Variants in ZNF536 observed in about 807,000 individuals in gnomAD.
ZNF536 encodes zinc finger protein 536.
ZNF536 carries 13 observed loss-of-function variants against 84.5 expected under a neutral mutation model. The observed-to-expected ratio is 0.15, with a 90% CI of 0.10 to 0.24. The LOEUF (loss-of-function observed/expected upper bound fraction) is 0.24. Among genes scored for constraint, ZNF536 ranks in the 10% least tolerant of loss-of-function variants. The pLI, the probability that ZNF536 is intolerant of heterozygous loss-of-function variation, is 1.00. For synonymous variants in ZNF536, 811 were observed against 742.5 expected, an observed-to-expected ratio of 1.09 and a Z score of -1.50; for missense variants, 1,536 against 1,747.5, an observed-to-expected ratio of 0.88 and a Z score of 2.16.
rs547410287 is a variant in ZNF536 at position 30,523,013 on chromosome 19, T to C, written c.2171-11834T>C. On this transcript the variant is annotated intron_variant, in intron 2 of 4. Transcript: ENST00000355537. ...CCTGAATTGTTTTTTACTGTTAACT[T>C]GGGAGGATTGCCTGGGGTTTTAGAG... Among the ~76,000 whole-genome samples, 3 of 149,308 alleles carry C rather than the reference T, an allele frequency of 2.0e-5. No homozygotes were observed. In the South Asian group the frequency reaches 6.5e-4, roughly 33 times the overall value.
At chr19:30,666,309 T>C (rs1244801522) in intron 1 of ZNF536, among the ~76,000 whole-genome samples, 1 of 152,188 alleles carries the variant, frequency 6.6e-6, no homozygotes, top group African/African-American at 2.4e-5. Context: ...CAGGCCCTGC[T>C]GCTGGGTTCC....
At chr19:30,598,454 T>C (rs555778045) in intron 1 of ZNF536, among the ~76,000 whole-genome samples, 1 of 152,298 alleles carries the variant, frequency 6.6e-6, no homozygotes, top group South Asian at 2.1e-4. Context: ...AGCGCCTCTA[T>C]AAAGCCACAC....
At chr19:30,260,970 C>T (rs1220062811) in intron 1 of ZNF536, among the ~76,000 whole-genome samples, 1 of 152,212 alleles carries the variant, frequency 6.6e-6, no homozygotes, top group Non-Finnish European at 1.5e-5. Flanking sequence ...TTGCATGATA[C>T]ATAGATTATT....
At chr19:30,464,214 G>A (rs887184384) in intron 2 of ZNF536, among the ~76,000 whole-genome samples, 17 of 152,288 alleles carry the variant, frequency 1.1e-4, no homozygotes, top group African/African-American at 3.8e-4. Flanking sequence ...CTATGGACAC[G>A]ATGAAGGATT....
chr19:30,432,006 T>TATATATATATATATATATACACAC (rs149223384), intron 1 of ZNF536, among the ~76,000 whole-genome samples: 9 of 145,982 alleles, frequency 6.2e-5, no homozygotes, highest in East Asian at 2.5e-4. Flanking sequence ...TATATATATA[T>TATATATATATATATATATACACAC]ACACACACAC....
chr19:30,288,876 T>G (rs1484697306), intron 2 of ZNF536, among the ~76,000 whole-genome samples: 1 of 152,230 alleles, frequency 6.6e-6, no homozygotes, highest in African/African-American at 2.4e-5. Context: ...TCAAGATTAA[T>G]GAAAATGTAG....
chr19:30,325,130 C>G (rs957597250), intron 2 of ZNF536, among the ~76,000 whole-genome samples: 1 of 152,228 alleles, frequency 6.6e-6, no homozygotes, highest in African/African-American at 2.4e-5. Flanking sequence ...GATAGCCAGG[C>G]TGGAAAGGGC....
chr19:30,611,244 A>T (rs1188219006), intron 1 of ZNF536, among the ~76,000 whole-genome samples: 1 of 152,062 alleles, frequency 6.6e-6, no homozygotes, highest in Non-Finnish European at 1.5e-5. Flanking sequence ...CTCTCTTCCC[A>T]TCCCTGTACA....
chr19:30,273,902 C>G (rs972031641), intron 1 of ZNF536, among the ~76,000 whole-genome samples: 1 of 152,148 alleles, frequency 6.6e-6, no homozygotes, highest in Admixed American at 6.5e-5. Flanking sequence ...AACACATATG[C>G]ATGCATATAT....
chr19:30,409,211 A>G (rs576555136), intron 1 of ZNF536, among the ~76,000 whole-genome samples: 1 of 152,318 alleles, frequency 6.6e-6, no homozygotes, highest in Non-Finnish European at 1.5e-5. Flanking sequence ...TCTGGCATAG[A>G]GTAGTTGCTC....
At chr19:30,393,571 G>A (rs2049688449) in intron 1 of ZNF536, among the ~76,000 whole-genome samples, 2 of 152,186 alleles carry the variant, frequency 1.3e-5, no homozygotes, top group Non-Finnish European at 1.5e-5. Context: ...GGAGCTCACG[G>A]AGCCTCTGGT....
chr19:30,416,289 ATT>A (rs200146840), intron 1 of ZNF536, among the ~76,000 whole-genome samples: 2,175 of 132,456 alleles, frequency 0.016, 34 homozygotes, highest in African/African-American at 0.051. Context: ...TGTCCTCTGA[ATT>A]TTTTTTTTTT....
chr19:30,232,920 G>T (rs2023182358), intron 1 of ZNF536, among the ~76,000 whole-genome samples: 2 of 152,210 alleles, frequency 1.3e-5, no homozygotes, highest in African/African-American at 4.8e-5. Flanking sequence ...CTCCCTTGGG[G>T]AGAATCAAGC....
chr19:30,384,986 C>T (rs1050017296), intron 1 of ZNF536, among the ~76,000 whole-genome samples: 1 of 151,934 alleles, frequency 6.6e-6, no homozygotes, highest in Non-Finnish European at 1.5e-5. Flanking sequence ...CGTCACTGCC[C>T]TCCAGCCTGG....
At chr19:30,416,704 C>T (rs1168739334) in intron 1 of ZNF536, among the ~76,000 whole-genome samples, 1 of 152,104 alleles carries the variant, frequency 6.6e-6, no homozygotes, top group Admixed American at 6.5e-5. Context: ...TCTTTTTCCC[C>T]ACCACGTTGA....
chr19:30,532,079 A>G (rs528988115), intron 2 of ZNF536, among the ~76,000 whole-genome samples: 1 of 151,928 alleles, frequency 6.6e-6, no homozygotes, highest in Non-Finnish European at 1.5e-5. Flanking sequence ...CTTTATGGGA[A>G]GGTCCAGAGC....
intron 1 of ZNF536, among the ~76,000 whole-genome samples, chr19:30,670,274 G>T (rs896239851): frequency 1.2e-4 from 19 of 152,092 alleles, no homozygotes; most frequent in African/African-American, 4.3e-4. Flanking sequence ...CTTCTCATTC[G>T]CTTAGTGCAC....
At chr19:30,578,076 C>T (rs1361994974) in intron 1 of ZNF536, among the ~76,000 whole-genome samples, 8 of 152,202 alleles carry the variant, frequency 5.3e-5, no homozygotes, top group Non-Finnish European at 1.0e-4. Context: ...CAATAACTGC[C>T]TCCTGGTTCT....
intron 1 of ZNF536, among the ~76,000 whole-genome samples, chr19:30,590,014 G>T (rs1599901587): frequency 6.6e-6 from 1 of 152,328 alleles, no homozygotes; most frequent in South Asian, 2.1e-4. Flanking sequence ...TTTAGAACCA[G>T]CCCACTGGGC....
Sources: gnomAD v4.1 joint callset for allele counts (sites outside exome capture counted in the v4.1 genomes callset) on GRCh38, gnomAD v4.1.1 for gene constraint, MANE v1.5 for transcripts, NCBI Gene and HGNC (gene_info 2026-07-23, HGNC 2026-07-21) for gene names.